TMEM33: variants seen among roughly 807,000 people sequenced by gnomAD.
The protein encoded by TMEM33 is transmembrane protein 33.
A neutral mutation model predicts 29.7 loss-of-function variants in TMEM33; 16 were observed. The observed-to-expected ratio is 0.54, with a 90% CI of 0.36 to 0.82. The LOEUF is 0.82. TMEM33 is among the 40% of genes least tolerant of loss of function. TMEM33 has a pLI of 0.00. For synonymous variants in TMEM33, 112 were observed against 109.4 expected, an observed-to-expected ratio of 1.02 and a Z score of -0.15; for missense variants, 252 against 295.3, an observed-to-expected ratio of 0.85 and a Z score of 1.08.
intron 3 of TMEM33, among the ~76,000 whole-genome samples, chr4:41,943,160 A>G (rs966873372): frequency 6.6e-6 from 1 of 152,178 alleles, no homozygotes; most frequent in Admixed American, 6.5e-5. Flanking sequence ...TAATTTAGCA[A>G]GTGTTTACAT....
chr4:41,938,495 T>C (rs1712355801), intron 1 of TMEM33, 107 bp from the exon 2 acceptor site: 3 of 1,042,420 alleles, frequency 2.9e-6, no homozygotes, highest in Non-Finnish European at 4.3e-6. Context: ...AAAAAACAAA[T>C]GGAGGAAGAT....
Position 41,935,443 on chromosome 4 carries a change from C to G in TMEM33, c.-42C>G, listed in dbSNP as rs1277568650. ...TGACGTTTTCTCTCCCCTTTCTTCT[C>G]TCTTCGCGGTTGCGGCGTCGCAGAC... is the stretch of plus-strand genomic sequence containing the variant. On this transcript the variant is annotated 5_prime_UTR_variant, in exon 1 of 7. Coordinates refer to ENST00000504986, the MANE Select transcript of TMEM33 (RefSeq NM_018126.3). The G allele has an allele frequency of 6.3e-7, 1 of 1,583,840 alleles. No individual in the cohort carries two copies. The highest frequency in any genetic ancestry group is 1.1e-5 in the South Asian group (1 of 87,178).
At chr4:41,939,418 CA>C in intron 3 of TMEM33, 35 bp downstream of exon 3, 1 of 1,600,360 alleles carries the variant, frequency 6.2e-7, no homozygotes, top group South Asian at 1.1e-5. Context: ...ATGAAATTGC[CA>C]ACTAAGCATA....
At position 41,944,840 on chromosome 4, in the gene TMEM33, A is replaced by G. The variant is rs750433259; in HGVS notation, c.444A>G (p.Lys148=). The change falls in exon 5 of 7, where the codon AAA becomes AAG. Residue 148 remains lysine (K), a synonymous_variant. Coordinates refer to ENST00000504986, the MANE Select transcript of TMEM33 (RefSeq NM_018126.3). ...CTCTGCTGAGATCTGTCTTGGACAA[A>G]TTAAGTGCTAATCAACAAAATATTC... ...SLPLLRSVLD[K]LSANQQNILK... is the part of the protein sequence containing the mutation. 1 of 1,613,628 alleles carries G rather than the reference A, an allele frequency of 6.2e-7. No individual in the cohort carries two copies. The highest frequency in any genetic ancestry group is 1.7e-5 in the Admixed American group (1 of 60,002).
intron 3 of TMEM33, 112 bp downstream of exon 3, chr4:41,939,495 A>C: frequency 1.8e-6 from 2 of 1,120,160 alleles, no homozygotes; most frequent in Non-Finnish European, 2.6e-6. Flanking sequence ...TGTTCTCGGC[A>C]CTTCATTTGA....
chr4:41,936,032 A>AT (rs1303981618), intron 1 of TMEM33, among the ~76,000 whole-genome samples: 1 of 152,090 alleles, frequency 6.6e-6, no homozygotes, highest in Admixed American at 6.6e-5. Context: ...TGCTTTTGTA[A>AT]TTTTTTTAAG....
chr4:41,935,587 A>G, intron 1 of TMEM33, 58 bp downstream of exon 1: 1 of 1,541,238 alleles, frequency 6.5e-7, no homozygotes, highest in Non-Finnish European at 8.8e-7. Flanking sequence ...AGAAGCAGGA[A>G]GCGTTGCGAG....
In TMEM33 at chr4:41,954,207, T is replaced by C. The variant is rs1211174210; in HGVS notation, c.*8T>C. On this transcript the variant is annotated 3_prime_UTR_variant, in exon 7 of 7. Coordinates refer to ENST00000504986, the MANE Select transcript of TMEM33 (RefSeq NM_018126.3). The stretch of plus-strand genomic sequence containing the variant: ...GCACCAACAGTTCCATAGTTTAACA[T>C]CTAGTTAAGCTACAAATATAGTATA... The C allele has an allele frequency of 6.2e-7, 1 of 1,613,262 alleles. No homozygotes were observed. The highest frequency in any genetic ancestry group is 8.5e-7 in the Non-Finnish European group (1 of 1,179,504).
rs143358100 is a variant in TMEM33 at position 41,949,934 on chromosome 4, A to G, written c.614+549A>G. ...CGAGAAGCACAAGCCATATTTGAGGAACTTTATGTAGAGCTGTTTTGACTC... is the reference window on the plus strand; with the variant it reads ...CGAGAAGCACAAGCCATATTTGAGGGACTTTATGTAGAGCTGTTTTGACTC... On this transcript the variant is annotated intron_variant, in intron 6 of 6. Coordinates refer to ENST00000504986, the MANE Select transcript of TMEM33 (RefSeq NM_018126.3). 6.6e-5 allele frequency among the ~76,000 whole-genome samples: 10 copies of G among 152,292 alleles called. 1 individual carries two copies. In the East Asian group the frequency reaches 1.9e-3, roughly 29 times the overall value.
At chr4:41,936,984 G>A (rs898550824) in intron 1 of TMEM33, among the ~76,000 whole-genome samples, 6 of 150,802 alleles carry the variant, frequency 4.0e-5, no homozygotes, top group African/African-American at 1.2e-4. Context: ...ATTAAAAAGT[G>A]TTCTTTGGCA....
upstream of TMEM33, chr4:41,935,176 G>T: frequency 2.0e-6 from 1 of 499,834 alleles, no homozygotes; most frequent in Non-Finnish European, 3.6e-6. Flanking sequence ...GGCGGCGTAG[G>T]TTGGCTCTTT....
At chr4:41,950,770 A>G (rs1184355232) in intron 6 of TMEM33, among the ~76,000 whole-genome samples, 1 of 152,044 alleles carries the variant, frequency 6.6e-6, no homozygotes, top group Admixed American at 6.6e-5. Context: ...TTGCCCTGAC[A>G]TCTGTTATTT....
At chr4:41,938,925 G>T (rs918923536) in intron 2 of TMEM33, among the ~76,000 whole-genome samples, 1 of 152,134 alleles carries the variant, frequency 6.6e-6, no homozygotes, top group Admixed American at 6.5e-5. Context: ...TGATGTGTGG[G>T]AATGAGATAA....
chr4:41,947,862 C>A (rs1712862169), intron 5 of TMEM33, among the ~76,000 whole-genome samples: 2 of 152,192 alleles, frequency 1.3e-5, no homozygotes, highest in Non-Finnish European at 1.5e-5. Context: ...GTTTATCTTA[C>A]ACATGCGTTG....
chr4:41,937,216 G>A (rs1485085795), intron 1 of TMEM33, among the ~76,000 whole-genome samples: 1 of 152,166 alleles, frequency 6.6e-6, no homozygotes, highest in Non-Finnish European at 1.5e-5. Context: ...TGAACAAATA[G>A]ATTTTAAGGA....
At chr4:41,935,670 G>T in intron 1 of TMEM33, 141 bp downstream of exon 1, 2 of 846,674 alleles carry the variant, frequency 2.4e-6, no homozygotes, top group South Asian at 1.7e-5. Context: ...GTTGGAGCGG[G>T]GAGAGGGGAG....
chr4:41,943,397 C>T (rs371206546), intron 3 of TMEM33, among the ~76,000 whole-genome samples: 34 of 151,976 alleles, frequency 2.2e-4, no homozygotes, highest in African/African-American at 7.5e-4. Flanking sequence ...TGGTGGCAGG[C>T]GCCTATAATC....
intron 5 of TMEM33, among the ~76,000 whole-genome samples, chr4:41,949,016 ATTAT>A (rs1473579823): frequency 1.3e-5 from 2 of 152,092 alleles, no homozygotes; most frequent in Non-Finnish European, 2.9e-5. Context: ...TAATTACGGA[ATTAT>A]TTAACATTTT....
rs138944207 is a variant in TMEM33, at chr4:41,954,164, G to T, written c.709G>T (p.Ala237Ser). ...GAGAAGACTTTGTCTCCAGAGCATT[G>T]CCTTTATAAGCAGATTGGCACCAAC... Reference protein sequence around the residue: ...FVRRLCLQSIAFISRLAPTVP With the variant: ...FVRRLCLQSISFISRLAPTVP Residue 237 changes from alanine (A) to serine (S), a missense_variant, in exon 7 of 7, where the codon GCC (alanine) becomes TCC (serine). Transcript: ENST00000504986. The T allele has an allele frequency of 6.2e-7, 1 of 1,613,858 alleles. No individual in the cohort carries two copies.
Sources: gnomAD v4.1 joint callset for allele counts (sites outside exome capture counted in the v4.1 genomes callset) on GRCh38, gnomAD v4.1.1 for gene constraint, MANE v1.5 for transcripts, NCBI Gene and HGNC (gene_info 2026-07-23, HGNC 2026-07-21) for gene names.